Variants in RAB38 observed in about 807,000 individuals in gnomAD.
RAB38 encodes ras-related protein Rab-38.
Under a neutral mutation model 18.4 loss-of-function variants are expected in RAB38, and 15 were observed. That is an observed-to-expected ratio of 0.82 (90% confidence interval 0.55 to 1.26). RAB38 has a LOEUF of 1.26. Ranked by LOEUF, RAB38 falls within the 50% of genes most tolerant of loss-of-function variation. RAB38 has a pLI of 0.00. For missense variants in RAB38, 294 were observed against 267.4 expected, an observed-to-expected ratio of 1.10 and a Z score of -0.69; for synonymous variants, 101 against 104.4, an observed-to-expected ratio of 0.97 and a Z score of 0.20.
At chr11:87,909,117 A>T in the RAB38 span, among the ~76,000 whole-genome samples, 1 of 151,978 alleles carries the variant, frequency 6.6e-6, no homozygotes, top group South Asian at 2.1e-4. Flanking sequence ...AATCATTTAT[A>T]GTATCTCAAA....
At chr11:88,032,116 A>G in the RAB38 span, among the ~76,000 whole-genome samples, 1 of 151,938 alleles carries the variant, frequency 6.6e-6, no homozygotes, top group South Asian at 2.1e-4. Context: ...CCTGAGAAAA[A>G]CAAGCAATGG....
chr11:88,027,239 G>A, the RAB38 span, among the ~76,000 whole-genome samples: 38 of 151,784 alleles, frequency 2.5e-4, no homozygotes, highest in East Asian at 9.7e-4. Context: ...TTGAGATAAC[G>A]ATCTCAAAAT....
chr11:87,857,245 T>G, the RAB38 span, among the ~76,000 whole-genome samples: 1 of 152,248 alleles, frequency 6.6e-6, no homozygotes, highest in Non-Finnish European at 1.5e-5. Context: ...TGCCACATTT[T>G]CTTAATCCAG....
At chr11:87,877,433 A>G in the RAB38 span, among the ~76,000 whole-genome samples, 1 of 146,702 alleles carries the variant, frequency 6.8e-6, no homozygotes, top group African/African-American at 2.4e-5. Context: ...CCAAGTAACT[A>G]TGAATTTCCT....
chr11:87,968,752 G>C, the RAB38 span, among the ~76,000 whole-genome samples: 1 of 152,090 alleles, frequency 6.6e-6, no homozygotes, highest in Non-Finnish European at 1.5e-5. Flanking sequence ...TTTTATTGCA[G>C]ACTTGTAACA....
At chr11:87,832,868 G>A in the RAB38 span, among the ~76,000 whole-genome samples, 1 of 151,354 alleles carries the variant, frequency 6.6e-6, no homozygotes, top group Non-Finnish European at 1.5e-5. Flanking sequence ...CGTATCACAA[G>A]TTCCAGAGAT....
chr11:87,851,132 T>C, the RAB38 span, among the ~76,000 whole-genome samples: 1 of 152,202 alleles, frequency 6.6e-6, no homozygotes, highest in Non-Finnish European at 1.5e-5. Context: ...AGGAGTTACC[T>C]ACACCTCCTT....
At chr11:87,925,746 T>C in the RAB38 span, among the ~76,000 whole-genome samples, 1 of 152,018 alleles carries the variant, frequency 6.6e-6, no homozygotes, top group Non-Finnish European at 1.5e-5. Context: ...ATAAAGGTAG[T>C]ACTTTCTTTC....
intron 1 of RAB38, chr11:88,174,033 G>A (rs547897634): frequency 3.7e-5 from 36 of 985,294 alleles, no homozygotes; most frequent in Admixed American, 3.1e-4. Flanking sequence ...CACTTATAAC[G>A]AAAGGTTCCT....
chr11:87,897,423 A>G, the RAB38 span, among the ~76,000 whole-genome samples: 8 of 151,636 alleles, frequency 5.3e-5, no homozygotes, highest in Non-Finnish European at 8.9e-5. Flanking sequence ...GTGAAATGAC[A>G]TTCTTGGGAA....
chr11:88,162,524 C>T (rs1364080445), intron 1 of RAB38, among the ~76,000 whole-genome samples: 3 of 152,082 alleles, frequency 2.0e-5, no homozygotes, highest in Non-Finnish European at 2.9e-5. Context: ...CTGTTGCATT[C>T]ATCACTTTCT....
chr11:87,816,912 G>A, the RAB38 span: 1 of 152,188 alleles, frequency 6.6e-6, no homozygotes, highest in East Asian at 1.9e-4. Flanking sequence ...TACATACAAA[G>A]TTTGAAGACC....
the RAB38 span, among the ~76,000 whole-genome samples, chr11:88,018,179 C>G: frequency 6.6e-6 from 1 of 152,130 alleles, no homozygotes; most frequent in Non-Finnish European, 1.5e-5. Context: ...CCCCTATCAA[C>G]TTTTTTCTGC....
the RAB38 span, among the ~76,000 whole-genome samples, chr11:87,890,335 CCT>C: frequency 6.6e-6 from 1 of 151,796 alleles, no homozygotes; most frequent in African/African-American, 2.4e-5. Context: ...TTACTTTCAA[CCT>C]CTGTTTCCTT....
At chr11:88,086,919 C>T in the RAB38 span, among the ~76,000 whole-genome samples, 1 of 151,996 alleles carries the variant, frequency 6.6e-6, no homozygotes, top group Non-Finnish European at 1.5e-5. Flanking sequence ...TATCAATTAT[C>T]TTTACAGAGA....
At chr11:88,043,156 G>A in the RAB38 span, among the ~76,000 whole-genome samples, 188 of 152,096 alleles carry the variant, frequency 1.2e-3, 1 homozygote, top group Admixed American at 1.7e-3. Flanking sequence ...TTTCTACACT[G>A]GAATGCACAT....
chr11:87,947,702 T>A, the RAB38 span, among the ~76,000 whole-genome samples: 1 of 152,190 alleles, frequency 6.6e-6, no homozygotes, highest in Non-Finnish European at 1.5e-5. Flanking sequence ...TGGTTGTAGA[T>A]GTGTGGTATT....
At chr11:88,011,221 T>G in the RAB38 span, among the ~76,000 whole-genome samples, 6 of 152,324 alleles carry the variant, frequency 3.9e-5, no homozygotes, top group South Asian at 6.2e-4. Flanking sequence ...ATTCATGCAT[T>G]ATTAATTGTT....
the RAB38 span, among the ~76,000 whole-genome samples, chr11:88,024,797 A>T: frequency 6.6e-6 from 1 of 152,194 alleles, no homozygotes; most frequent in Non-Finnish European, 1.5e-5. Flanking sequence ...TACTTATGGG[A>T]TCTAAAAATC....
Sources: allele counts gnomAD v4.1 joint callset (sites outside exome capture counted in the v4.1 genomes callset), GRCh38; gene constraint gnomAD v4.1.1; transcripts MANE v1.5; gene names NCBI Gene and HGNC (gene_info 2026-07-23, HGNC 2026-07-21).